STAU2: variants seen among roughly 807,000 people sequenced by gnomAD.
STAU2 encodes staufen double-stranded RNA binding protein 2.
A neutral mutation model predicts 65.9 loss-of-function variants in STAU2; 20 were observed. The ratio of observed to expected loss-of-function variants is 0.30; its 90% CI spans 0.21 to 0.44. The LOEUF (loss-of-function observed/expected upper bound fraction) is 0.44. Ranked by LOEUF, STAU2 falls within the 20% of genes least tolerant of loss-of-function variation. The probability of loss-of-function intolerance (pLI) is 1.00; values close to 1 mark genes in which losing one functional copy is unlikely to be tolerated. For missense variants in STAU2, 558 were observed against 683.9 expected, an observed-to-expected ratio of 0.82 and a Z score of 2.05; for synonymous variants, 232 against 233.9, an observed-to-expected ratio of 0.99 and a Z score of 0.07.
chr8:73,604,138 A>G (rs1220056823), intron 9 of STAU2, among the ~76,000 whole-genome samples: 1 of 152,130 alleles, frequency 6.6e-6, no homozygotes, highest in African/African-American at 2.4e-5. Flanking sequence ...GGTGCTTCAC[A>G]ACTTCTGTTC....
At chr8:73,599,615 T>C (rs1416533619) in intron 10 of STAU2, among the ~76,000 whole-genome samples, 1 of 152,232 alleles carries the variant, frequency 6.6e-6, no homozygotes, top group African/African-American at 2.4e-5. Context: ...ACCATACTTT[T>C]CTTTTTTGTC....
chr8:73,710,958 CA>C (rs1464605696), intron 3 of STAU2, among the ~76,000 whole-genome samples: 2 of 150,972 alleles, frequency 1.3e-5, no homozygotes, highest in Non-Finnish European at 3.0e-5. Context: ...TTAACAGGCC[CA>C]ATAATTTGTA....
At chr8:73,607,136 T>C (rs967434098) in intron 9 of STAU2, among the ~76,000 whole-genome samples, 4 of 152,132 alleles carry the variant, frequency 2.6e-5, no homozygotes, top group African/African-American at 7.2e-5. Flanking sequence ...CATGTACAAG[T>C]CACTCTATGT....
intron 1 of STAU2, among the ~76,000 whole-genome samples, chr8:73,745,838 C>T (rs969845604): frequency 3.3e-5 from 5 of 152,134 alleles, no homozygotes; most frequent in African/African-American, 1.2e-4. Context: ...ACACACATTT[C>T]CAAAGACTTC....
chr8:73,481,368 C>T (rs1820607078), intron 13 of STAU2, among the ~76,000 whole-genome samples: 1 of 151,934 alleles, frequency 6.6e-6, no homozygotes, highest in South Asian at 2.1e-4. Context: ...AGGGGCCTGC[C>T]TCATCTGCCT....
chr8:73,482,556 C>T (rs1820689987), intron 13 of STAU2, among the ~76,000 whole-genome samples: 1 of 152,084 alleles, frequency 6.6e-6, no homozygotes, highest in South Asian at 2.1e-4. Flanking sequence ...GAGACAGTAA[C>T]AGAAGTGATC....
intron 6 of STAU2, among the ~76,000 whole-genome samples, chr8:73,619,558 G>A (rs911983328): frequency 1.3e-5 from 2 of 152,188 alleles, no homozygotes; most frequent in Non-Finnish European, 2.9e-5. Context: ...AGGCAGATGG[G>A]ACTAATCAAT....
chr8:73,641,880 AT>A (rs1325144414), intron 6 of STAU2, among the ~76,000 whole-genome samples: 2 of 152,200 alleles, frequency 1.3e-5, no homozygotes, highest in African/African-American at 4.8e-5. Flanking sequence ...CTAAGTGGTA[AT>A]TTTGTGAAAG....
intron 13 of STAU2, among the ~76,000 whole-genome samples, chr8:73,541,436 A>C (rs1448027249): frequency 1.3e-5 from 2 of 152,328 alleles, no homozygotes; most frequent in Non-Finnish European, 2.9e-5. Flanking sequence ...TTTTAGCTTA[A>C]GCAACTTAAT....
chr8:73,479,547 T>C (rs1484215692), intron 13 of STAU2, among the ~76,000 whole-genome samples: 1 of 151,328 alleles, frequency 6.6e-6, no homozygotes, highest in Non-Finnish European at 1.5e-5. Flanking sequence ...CATGTTAGGC[T>C]GTATGAAAAT....
intron 13 of STAU2, among the ~76,000 whole-genome samples, chr8:73,475,637 A>G (rs941042066): frequency 8.5e-5 from 13 of 152,188 alleles, no homozygotes; most frequent in Admixed American, 8.5e-4. Flanking sequence ...TAAGTCAACA[A>G]AGGATTTTCT....
At chr8:73,687,347 TAATTTATATAATATAAATATA>T (rs1586272922) in intron 5 of STAU2, among the ~76,000 whole-genome samples, 1 of 33,102 alleles carries the variant, frequency 3.0e-5, no homozygotes, top group South Asian at 7.8e-4. Flanking sequence ...TTTATATTTA[TAATTTATATAATATAAATATA>T]ATTTATAATT....
At chr8:73,694,676 C>A (rs1011291151) in intron 4 of STAU2, among the ~76,000 whole-genome samples, 2 of 152,206 alleles carry the variant, frequency 1.3e-5, no homozygotes, top group Non-Finnish European at 2.9e-5. Context: ...CTGGCTTTAA[C>A]TTCATATTGC....
chr8:73,656,555 C>G (rs550916846), intron 6 of STAU2, among the ~76,000 whole-genome samples: 105 of 152,310 alleles, frequency 6.9e-4, no homozygotes, highest in Non-Finnish European at 1.3e-3. Flanking sequence ...TATTGTTTCC[C>G]TTAGCAGTTT....
chr8:73,465,198 G>A (rs986423915), intron 13 of STAU2, among the ~76,000 whole-genome samples: 2 of 152,186 alleles, frequency 1.3e-5, no homozygotes, highest in African/African-American at 2.4e-5. Flanking sequence ...TCCCGGCCAC[G>A]GAGGCAGTGT....
At chr8:73,618,957 G>A (rs945932394) in intron 6 of STAU2, among the ~76,000 whole-genome samples, 1 of 152,150 alleles carries the variant, frequency 6.6e-6, no homozygotes, top group African/African-American at 2.4e-5. Context: ...AAAGAAATGG[G>A]TTTGCTGGGG....
intron 3 of STAU2, among the ~76,000 whole-genome samples, chr8:73,729,272 G>A (rs1428916314): frequency 1.3e-5 from 2 of 152,096 alleles, no homozygotes; most frequent in Non-Finnish European, 2.9e-5. Flanking sequence ...TGGCCATGGT[G>A]CATATTCCTT....
chr8:73,636,394 C>T (rs1814516618), intron 6 of STAU2, among the ~76,000 whole-genome samples: 1 of 151,618 alleles, frequency 6.6e-6, no homozygotes, highest in Non-Finnish European at 1.5e-5. Flanking sequence ...CACACACACA[C>T]ATACACACAC....
chr8:73,425,179 G>T (rs1816709714), intron 13 of STAU2, among the ~76,000 whole-genome samples: 1 of 152,152 alleles, frequency 6.6e-6, no homozygotes, highest in South Asian at 2.1e-4. Context: ...TCAGAATGGG[G>T]CCTTATAGAA....
Sources: gnomAD v4.1 joint callset for allele counts (sites outside exome capture counted in the v4.1 genomes callset) on GRCh38, gnomAD v4.1.1 for gene constraint, MANE v1.5 for transcripts, NCBI Gene and HGNC (gene_info 2026-07-23, HGNC 2026-07-21) for gene names.